RGS6: variants seen among roughly 807,000 people sequenced by gnomAD.
RGS6 encodes the protein regulator of G-protein signaling 6.
A neutral mutation model predicts 78.5 loss-of-function variants in RGS6; 30 were observed. That is an observed-to-expected ratio of 0.38 (90% CI 0.29 to 0.52). RGS6 has a LOEUF of 0.52. RGS6 is among the 20% of genes least tolerant of loss of function. The probability of loss-of-function intolerance (pLI) is 0.85; values close to 1 mark genes in which losing one functional copy is unlikely to be tolerated. For synonymous variants in RGS6, 206 were observed against 206.0 expected (o/e 1.00, Z 0.00); for missense variants, 495 against 609.7 (o/e 0.81, Z 1.98).
At chr14:72,066,824 T>G (rs554056288) in intron 2 of RGS6, among the ~76,000 whole-genome samples, 102 of 151,144 alleles carry the variant, frequency 6.7e-4, no homozygotes, top group Non-Finnish European at 9.0e-4. Context: ...TTTTTTTTTT[T>G]GTAAAGATCA....
chr14:71,890,923 A>G, the RGS6 span, among the ~76,000 whole-genome samples: 1 of 152,202 alleles, frequency 6.6e-6, no homozygotes, highest in African/African-American at 2.4e-5. Flanking sequence ...TTGAGGAAAC[A>G]TTTTAGTACT....
At chr14:72,101,421 A>G (rs574686591) in intron 2 of RGS6, among the ~76,000 whole-genome samples, 1 of 152,352 alleles carries the variant, frequency 6.6e-6, no homozygotes, top group African/African-American at 2.4e-5. Flanking sequence ...GGCACAGAAT[A>G]GGTGCTCAAT....
chr14:71,936,125 T>A (rs1265567377), intron 1 of RGS6, among the ~76,000 whole-genome samples: 1 of 150,110 alleles, frequency 6.7e-6, no homozygotes, highest in Admixed American at 6.7e-5. Flanking sequence ...ATATACCATA[T>A]ATCTATAAAG....
At chr14:72,070,221 T>C in intron 2 of RGS6, among the ~76,000 whole-genome samples, 1 of 152,164 alleles carries the variant, frequency 6.6e-6, no homozygotes, top group East Asian at 1.9e-4. Context: ...TGTGAGCTGT[T>C]CATTTTTCTT....
At chr14:72,371,274 G>A (rs562251985) in intron 3 of RGS6, among the ~76,000 whole-genome samples, 3 of 152,086 alleles carry the variant, frequency 2.0e-5, no homozygotes, top group Non-Finnish European at 4.4e-5. Flanking sequence ...CCTGGCCTTT[G>A]TGTCATTAAA....
In RGS6 at chr14:72,158,470, A is replaced by G. The variant is rs1238366696; in HGVS notation, c.84+193595A>G. Among the ~76,000 whole-genome samples the G allele has an allele frequency of 7.2e-5, 11 of 152,312 alleles. No individual in the cohort carries two copies. The East Asian group carries it at 1.7e-3, about 24-fold the overall frequency. On this transcript the variant is annotated intron_variant, in intron 2 of 17. Transcript: ENST00000553525. Reference sequence around the variant, plus strand: ...TTTTTGAGGGGATACAATTCAGTCCATAACAGCCAGTCTTTTTGAAGACTT... The same window carrying G: ...TTTTTGAGGGGATACAATTCAGTCCGTAACAGCCAGTCTTTTTGAAGACTT...
intron 2 of RGS6, among the ~76,000 whole-genome samples, chr14:72,050,792 G>A (rs1370850227): frequency 2.0e-5 from 3 of 152,198 alleles, no homozygotes; most frequent in Non-Finnish European, 1.5e-5. Context: ...TGCAAAGCCT[G>A]TGTATAGGGA....
intron 2 of RGS6, among the ~76,000 whole-genome samples, chr14:72,075,483 C>T (rs1209461276): frequency 6.6e-6 from 1 of 152,000 alleles, no homozygotes; most frequent in African/African-American, 2.4e-5. Context: ...TATATTTTGT[C>T]TTTCCCATAA....
At chr14:72,161,314 C>T (rs1346816415) in intron 2 of RGS6, among the ~76,000 whole-genome samples, 1 of 152,088 alleles carries the variant, frequency 6.6e-6, no homozygotes, top group Non-Finnish European at 1.5e-5. Flanking sequence ...CACCAAACCA[C>T]CATGGCACGT....
rs560212779 is a variant in RGS6, at chr14:72,044,867, C to T, written c.84+79992C>T. Among the ~76,000 whole-genome samples, 109 of 97,704 alleles carry T rather than the reference C, an allele frequency of 1.1e-3. 1 individual carries two copies. The highest frequency in any genetic ancestry group is 7.4e-3 in the South Asian group (18 of 2,422). The allele number at this position is 97,704 out of a possible 152,430, so 64.1% of individuals were successfully genotyped here. Reference sequence around the variant, plus strand: ...CAGCCTGGGCAACATAGTAAGACTCCGTCTCAAAAAACAAAAAAAACCAAA... The same window carrying T: ...CAGCCTGGGCAACATAGTAAGACTCTGTCTCAAAAAACAAAAAAAACCAAA... On this transcript the variant is annotated intron_variant, in intron 2 of 17. Coordinates refer to ENST00000553525, the MANE Select transcript of RGS6 (RefSeq NM_001204424.2).
Position 72,167,323 on chromosome 14 carries a change from G to A in RGS6, c.85-184772G>A, listed in dbSNP as rs147278452. On this transcript the variant is annotated intron_variant, in intron 2 of 17. Transcript: ENST00000553525. ...TTGAAGCATCTAAGTCAGTGAGGGA[G>A]AGACTCTACTGGCAAGACAGAAGTC... 2.6e-5 allele frequency among the ~76,000 whole-genome samples: 4 copies of A among 152,362 alleles called. No individual in the cohort carries two copies. The East Asian group carries it at 7.7e-4, about 29-fold the overall frequency.
intron 2 of RGS6, among the ~76,000 whole-genome samples, chr14:72,248,316 G>C (rs1368045844): frequency 1.3e-5 from 2 of 152,212 alleles, no homozygotes; most frequent in Non-Finnish European, 2.9e-5. Context: ...AGGGTAAAGA[G>C]ATTTGCCAAG....
intron 2 of RGS6, among the ~76,000 whole-genome samples, chr14:72,040,463 G>A (rs1052392470): frequency 2.0e-5 from 3 of 151,462 alleles, no homozygotes; most frequent in Non-Finnish European, 4.4e-5. Context: ...TAAACTTTCT[G>A]CTGAGAAATC....
intron 2 of RGS6, among the ~76,000 whole-genome samples, chr14:72,144,187 T>TA (rs1426522309): frequency 2.0e-5 from 3 of 152,190 alleles, no homozygotes; most frequent in Non-Finnish European, 2.9e-5. Context: ...AAAGGAAAAT[T>TA]ACAACTGTAA....
intron 2 of RGS6, among the ~76,000 whole-genome samples, chr14:72,136,398 G>A (rs1190722646): frequency 2.0e-5 from 3 of 151,808 alleles, no homozygotes; most frequent in African/African-American, 4.8e-5. Flanking sequence ...AAGACATATC[G>A]AAGACTGGGT....
intron 1 of RGS6, among the ~76,000 whole-genome samples, chr14:71,947,353 T>A (rs897776075): frequency 6.6e-6 from 1 of 152,196 alleles, no homozygotes; most frequent in Non-Finnish European, 1.5e-5. Flanking sequence ...ATGCTGCCAA[T>A]TCCAGGTTTT....
chr14:72,459,817 T>C (rs1008241099), intron 6 of RGS6, 134 bp downstream of exon 6: 2 of 821,692 alleles, frequency 2.4e-6, no homozygotes, highest in African/African-American at 3.3e-5. Context: ...TCCTTTCTCA[T>C]ATTGTTGCTA....
chr14:72,506,728 A>T (rs549715107), intron 13 of RGS6, among the ~76,000 whole-genome samples: 1 of 152,196 alleles, frequency 6.6e-6, no homozygotes. Context: ...CTAAAAATTC[A>T]TGTCTTTCCC....
chr14:72,148,999 A>G (rs2096645603), intron 2 of RGS6, among the ~76,000 whole-genome samples: 1 of 152,204 alleles, frequency 6.6e-6, no homozygotes, highest in African/African-American at 2.4e-5. Context: ...CTTGGTGGAT[A>G]GCTTATCTCC....
Sources: allele counts gnomAD v4.1 joint callset (sites outside exome capture counted in the v4.1 genomes callset), GRCh38; gene constraint gnomAD v4.1.1; transcripts MANE v1.5; gene names NCBI Gene and HGNC (gene_info 2026-07-23, HGNC 2026-07-21).